The following MTMR2 variants were observed in gnomAD, a reference collection of about 807,000 sequenced individuals.
MTMR2 encodes the protein phosphatidylinositol-3,5-bisphosphate 3-phosphatase MTMR2.
A neutral mutation model predicts 86.9 loss-of-function variants in MTMR2; 55 were observed. The ratio of observed to expected loss-of-function variants is 0.63; its 90% CI spans 0.51 to 0.79. MTMR2 has a LOEUF of 0.79. Ranked by LOEUF, MTMR2 falls within the 30% of genes least tolerant of loss-of-function variation. The pLI is 0.00. For synonymous variants in MTMR2, 241 were observed against 266.8 expected (o/e 0.90, Z 0.94); for missense variants, 659 against 772.3 (o/e 0.85, Z 1.74).
At chr11:95,887,230 A>G (rs1180478862) in intron 2 of MTMR2, among the ~76,000 whole-genome samples, 1 of 152,176 alleles carries the variant, frequency 6.6e-6, no homozygotes, top group African/African-American at 2.4e-5. Flanking sequence ...TTTTAGCTAA[A>G]ATTGTGTAAG....
chr11:95,918,133 T>C lies in MTMR2; in HGVS notation c.80+5742A>G, dbSNP rs1014012482. Reference sequence around the variant, plus strand: ...TAATAGTTTTACAGTACTTCTAACATAGACCTTAACTTAGTTTTAACTAAT... The same window carrying C: ...TAATAGTTTTACAGTACTTCTAACACAGACCTTAACTTAGTTTTAACTAAT... On this transcript the variant is annotated intron_variant, in intron 1 of 14. Coordinates refer to ENST00000346299, the MANE Select transcript of MTMR2 (RefSeq NM_016156.6). Among the ~76,000 whole-genome samples the C allele has an allele frequency of 3.4e-4, 51 of 152,194 alleles. 1 individual carries two copies. Among genetic ancestry groups the C allele is most frequent in the African/African-American group, 1.2e-3 (49 of 41,436 alleles).
rs112694639 is a variant in MTMR2 at position 95,850,187 on chromosome 11, T to C, written c.805-325A>G. The stretch of plus-strand genomic sequence containing the variant: ...AAAACTGCTCAGTTCTAAAAGCCTT[T>C]AGAATCTATGAATTTTGTACCTAAA... On this transcript the variant is annotated intron_variant, in intron 8 of 14. Transcript: ENST00000346299. Among the ~76,000 whole-genome samples the C allele has an allele frequency of 2.1e-4, 32 of 149,600 alleles. 1 individual carries two copies. Among genetic ancestry groups the C allele is most frequent in the African/African-American group, 7.0e-4 (29 of 41,412 alleles).
chr11:95,855,008 C>A (rs965137946), intron 7 of MTMR2, among the ~76,000 whole-genome samples: 4 of 151,630 alleles, frequency 2.6e-5, no homozygotes, highest in Admixed American at 1.3e-4. Context: ...CAGGGTTTCA[C>A]CATGTTGCCC....
chr11:95,868,303 A>AG (rs1353732355), intron 2 of MTMR2, among the ~76,000 whole-genome samples: 2 of 68,352 alleles, frequency 2.9e-5, no homozygotes, highest in Non-Finnish European at 8.7e-5. Context: ...AAAAAAAAAG[A>AG]AAGAAAAAGA....
rs910028944 is a variant in MTMR2, at chr11:95,905,329, GCGCA to G, written c.81-17072_81-17069del. The stretch of plus-strand genomic sequence containing the variant: ...TTCTTACACACACACGCACGCACCT[GCGCA>G]CACACACACACACACACACACACAC... On this transcript the variant is annotated intron_variant, in intron 1 of 14. Coordinates refer to ENST00000346299, the MANE Select transcript of MTMR2 (RefSeq NM_016156.6). Among the ~76,000 whole-genome samples, 52 of 39,740 alleles carry G rather than the reference GCGCA, an allele frequency of 1.3e-3. No individual in the cohort carries two copies. In the South Asian group the frequency reaches 0.028, roughly 22 times the overall value. 26.1% of individuals were successfully genotyped at this position (39,740 alleles called of 152,430 possible). A position where few individuals can be genotyped will look rare whatever the true frequency, so the allele number is the denominator to read the frequency against.
In MTMR2 at chr11:95,858,741, A is replaced by C. The variant is rs146348330; in HGVS notation, c.469-109T>G. On this transcript the variant is annotated intron_variant, in intron 5 of 14. Coordinates refer to ENST00000346299, the MANE Select transcript of MTMR2 (RefSeq NM_016156.6). Reference sequence around the variant, plus strand: ...AAATGTTAAGATCTGTGAATGTGGGATACAAAAATAAATCAGACATCAGCT... The same window carrying C: ...AAATGTTAAGATCTGTGAATGTGGGCTACAAAAATAAATCAGACATCAGCT... The C allele has an allele frequency of 7.8e-4, 589 of 759,958 alleles. 7 individuals carry two copies. The East Asian group carries it at 0.015, about 20-fold the overall frequency. 47.1% of individuals were successfully genotyped at this position (759,958 alleles called of 1,614,324 possible). A position where few individuals can be genotyped will look rare whatever the true frequency, so the allele number is the denominator to read the frequency against.
At chr11:95,839,686 A>G (rs911002618) in intron 12 of MTMR2, among the ~76,000 whole-genome samples, 1 of 152,152 alleles carries the variant, frequency 6.6e-6, no homozygotes, top group Non-Finnish European at 1.5e-5. Flanking sequence ...AAATAGGAGG[A>G]GAGGTATAGA....
chr11:95,923,221 A>C (rs10765777), intron 1 of MTMR2, among the ~76,000 whole-genome samples: 52,324 of 151,948 alleles, frequency 0.34, 9,420 homozygotes, highest in Non-Finnish European at 0.39. Flanking sequence ...GAAAACTACC[A>C]CTCATTTTGT....
At chr11:95,878,833 A>C (rs545022513) in intron 2 of MTMR2, among the ~76,000 whole-genome samples, 2 of 152,310 alleles carry the variant, frequency 1.3e-5, no homozygotes, top group East Asian at 3.9e-4. Context: ...GACAGAAGAT[A>C]GGTGAATAGA....
chr11:95,841,564 TG>T, intron 12 of MTMR2, 52 bp downstream of exon 12: 1 of 1,356,944 alleles, frequency 7.4e-7, no homozygotes, highest in Non-Finnish European at 1.1e-6. Flanking sequence ...CTCCCCACTC[TG>T]ACAGGAAAAC....
At chr11:95,860,071 A>G (rs923168739) in intron 5 of MTMR2, among the ~76,000 whole-genome samples, 6 of 152,160 alleles carry the variant, frequency 3.9e-5, no homozygotes, top group African/African-American at 1.2e-4. Flanking sequence ...AATGATTAAG[A>G]TTCAAAATTA....
At chr11:95,852,119 C>G (rs1864043386) in intron 7 of MTMR2, among the ~76,000 whole-genome samples, 1 of 152,192 alleles carries the variant, frequency 6.6e-6, no homozygotes. Context: ...GTGAAAAATA[C>G]ATTTACTGAG....
At chr11:95,843,924 G>A (rs537897440) in intron 11 of MTMR2, among the ~76,000 whole-genome samples, 60 of 152,162 alleles carry the variant, frequency 3.9e-4, no homozygotes, top group Non-Finnish European at 6.8e-4. Context: ...ATCCATAATT[G>A]TTAACAATGT....
At chr11:95,888,312 C>A in intron 1 of MTMR2, 51 bp from the exon 2 acceptor site, 1 of 1,169,362 alleles carries the variant, frequency 8.6e-7, no homozygotes, top group Non-Finnish European at 1.3e-6. Context: ...CTTCAAAGAC[C>A]AATTTCAGAC....
chr11:95,846,376 C>A (rs993853501), intron 10 of MTMR2, among the ~76,000 whole-genome samples: 2 of 152,166 alleles, frequency 1.3e-5, no homozygotes, highest in Admixed American at 1.3e-4. Context: ...AGTTTACATT[C>A]TATTTGGGTG....
chr11:95,883,157 C>A (rs1434581164), intron 2 of MTMR2, among the ~76,000 whole-genome samples: 7 of 152,044 alleles, frequency 4.6e-5, no homozygotes. Flanking sequence ...TTTTATCTTT[C>A]AATAACCATC....
intron 7 of MTMR2, among the ~76,000 whole-genome samples, chr11:95,853,966 C>T (rs1864117085): frequency 6.6e-6 from 1 of 152,032 alleles, no homozygotes; most frequent in Non-Finnish European, 1.5e-5. Context: ...TGTCTCTCTC[C>T]CACCCCACTT....
intron 11 of MTMR2, among the ~76,000 whole-genome samples, chr11:95,842,726 A>G (rs1863599978): frequency 6.6e-6 from 1 of 152,234 alleles, no homozygotes; most frequent in Admixed American, 6.5e-5. Flanking sequence ...ATGATGCAGA[A>G]GTTATGAAGG....
intron 12 of MTMR2, among the ~76,000 whole-genome samples, chr11:95,840,773 T>C (rs372590677): frequency 6.6e-5 from 10 of 152,290 alleles, no homozygotes; most frequent in Non-Finnish European, 8.8e-5. Context: ...GCTAAAAATA[T>C]GCTCCTAAAT....
Sources: gnomAD v4.1 joint callset for allele counts (sites outside exome capture counted in the v4.1 genomes callset) on GRCh38, gnomAD v4.1.1 for gene constraint, MANE v1.5 for transcripts, NCBI Gene and HGNC (gene_info 2026-07-23, HGNC 2026-07-21) for gene names.